Variants in U2AF2 observed in about 807,000 individuals in gnomAD.
U2AF2 encodes U2 small nuclear RNA auxiliary factor 2.
In U2AF2, 6 loss-of-function variants were observed where a neutral mutation model predicts 52.6. The observed-to-expected ratio is 0.11, with a 90% CI of 0.06 to 0.23. The LOEUF (loss-of-function observed/expected upper bound fraction) is 0.23. Among genes scored for constraint, U2AF2 ranks in the 10% least tolerant of loss-of-function variants. U2AF2 has a pLI of 1.00. For synonymous variants in U2AF2, 284 were observed against 258.2 expected (o/e 1.10, Z -0.96); for missense variants, 222 against 677.1 (o/e 0.33, Z 7.46).
intron 9 of U2AF2, 29 bp from the exon 10 acceptor site, chr19:55,669,054 C>A (rs775096316): frequency 1.9e-6 from 3 of 1,603,064 alleles, no homozygotes; most frequent in Non-Finnish European, 2.6e-6. Context: ...TCTCCCCGCA[C>A]CCCCCGACCC....
chr19:55,663,710 T>C lies in U2AF2; in HGVS notation c.708T>C (p.Pro236=), dbSNP rs1353532251. The C allele has an allele frequency of 6.2e-7, 1 of 1,614,068 alleles. No homozygotes were observed. Among genetic ancestry groups the C allele is most frequent in the African/African-American group, 1.3e-5 (1 of 74,940 alleles). Residue 236 remains proline, a synonymous_variant, in exon 7 of 12, where the codon CCT becomes CCC. Transcript: ENST00000308924. ...IRRPHDYQPL[P]GMSENPSVYV... ...GGCCTCACGACTACCAGCCGCTTCCTGGCATGTCAGAGAACCCCTCCGTCT... is the reference window on the plus strand; with the variant it reads ...GGCCTCACGACTACCAGCCGCTTCCCGGCATGTCAGAGAACCCCTCCGTCT...
At chr19:55,665,245 C>T (rs138104431) in intron 7 of U2AF2, among the ~76,000 whole-genome samples, 2 of 152,186 alleles carry the variant, frequency 1.3e-5, no homozygotes, top group East Asian at 1.9e-4. Flanking sequence ...GTGTGTCAGG[C>T]GCTGTCCTAA....
chr19:55,656,660 G>A (rs570954884), intron 1 of U2AF2, among the ~76,000 whole-genome samples: 19 of 152,328 alleles, frequency 1.2e-4, no homozygotes, highest in African/African-American at 4.6e-4. Flanking sequence ...CCTTTTAACA[G>A]CCTTGTGAGG....
At chr19:55,663,173 G>A (rs1022200056) in intron 6 of U2AF2, among the ~76,000 whole-genome samples, 3 of 150,658 alleles carry the variant, frequency 2.0e-5, no homozygotes, top group African/African-American at 7.3e-5. Flanking sequence ...CACTGTCTGA[G>A]CACTCCCTCT....
intron 5 of U2AF2, 23 bp from the exon 6 acceptor site, chr19:55,662,479 C>T (rs1568550918): frequency 2.1e-6 from 3 of 1,457,208 alleles, no homozygotes. Flanking sequence ...CGCCCCCCCC[C>T]TTGTCTCCTA....
chr19:55,660,168 A>AC lies in U2AF2; in HGVS notation c.186-3dup. The AC allele has an allele frequency of 5.7e-6, 4 of 705,538 alleles. No individual in the cohort carries two copies. Among genetic ancestry groups the AC allele is most frequent in the Non-Finnish European group, 7.9e-6 (4 of 507,776 alleles). 43.7% of individuals were successfully genotyped at this position (705,538 alleles called of 1,614,324 possible). ...ACCCCTCCCCATACCTTTCCCTCCC[A>AC]CCCCCCAGCAAACCTTTGACCAGAG... On this transcript the variant is annotated splice_polypyrimidine_tract_variant and intron_variant, in intron 2 of 11. Coordinates refer to ENST00000308924, the MANE Select transcript of U2AF2 (RefSeq NM_007279.3).
intron 5 of U2AF2, 26 bp from the exon 6 acceptor site, chr19:55,662,476 C>T (rs768461067): frequency 1.5e-6 from 2 of 1,366,552 alleles, no homozygotes; most frequent in Non-Finnish European, 2.0e-6. Flanking sequence ...CCCCGCCCCC[C>T]CCCTTGTCTC....
intron 1 of U2AF2, among the ~76,000 whole-genome samples, chr19:55,657,576 T>G (rs1010359403): frequency 6.6e-6 from 1 of 152,190 alleles, no homozygotes; most frequent in Non-Finnish European, 1.5e-5. Context: ...CTGTCCATCT[T>G]ATAAGCGAGG....
chr19:55,655,482 T>C (rs1474092404), intron 1 of U2AF2, among the ~76,000 whole-genome samples: 13 of 152,252 alleles, frequency 8.5e-5, no homozygotes, highest in Admixed American at 6.5e-4. Context: ...TTAAAATCTT[T>C]TTGGTTTCTC....
intron 1 of U2AF2, among the ~76,000 whole-genome samples, chr19:55,656,386 T>C (rs1346053806): frequency 1.3e-5 from 2 of 152,242 alleles, no homozygotes; most frequent in East Asian, 3.8e-4. Flanking sequence ...AGGGTCTGAC[T>C]CTGTCTTAGT....
intron 6 of U2AF2, among the ~76,000 whole-genome samples, chr19:55,663,288 C>T (rs1358846247): frequency 2.0e-5 from 3 of 152,244 alleles, no homozygotes; most frequent in Non-Finnish European, 2.9e-5. Context: ...GACTCCAGTA[C>T]TGTCATCTCC....
rs745479236 is a variant in U2AF2 at position 55,673,918 on chromosome 19, T to C, written c.1294-16T>C. The stretch of plus-strand genomic sequence containing the variant: ...CGTGAGCCTTGTTCACAAACCTGCC[T>C]CTCCTTTCCCCACAGATCTTTGTGG... On this transcript the variant is annotated splice_polypyrimidine_tract_variant and intron_variant, in intron 11 of 11. Transcript: ENST00000308924. The C allele has an allele frequency of 1.2e-6, 2 of 1,604,566 alleles. No individual in the cohort carries two copies. The highest frequency in any genetic ancestry group is 1.7e-6 in the Non-Finnish European group (2 of 1,174,294).
rs1984983977 is a variant in U2AF2 at position 55,672,499 on chromosome 19, C to T, written c.1294-1435C>T. ...TAGGATATTGAGATGTATCCCCAGC[C>T]TCCACCCACCGGATGCAAGAGCACT... is the stretch of plus-strand genomic sequence containing the variant. On this transcript the variant is annotated intron_variant, in intron 11 of 11. Coordinates refer to ENST00000308924, the MANE Select transcript of U2AF2 (RefSeq NM_007279.3). Among the ~76,000 whole-genome samples, 6 of 152,136 alleles carry T rather than the reference C, an allele frequency of 3.9e-5. No homozygotes were observed. The South Asian group carries it at 1.2e-3, about 31-fold the overall frequency.
chr19:55,663,481 TG>T, intron 6 of U2AF2, 124 bp from the exon 7 acceptor site: 1 of 1,432,754 alleles, frequency 7.0e-7, no homozygotes, highest in Non-Finnish European at 9.4e-7. Context: ...GTGCCCAGCC[TG>T]GGGCCTGGCA....
Position 55,659,301 on chromosome 19 carries a change from C to T in U2AF2, c.141C>T (p.Arg47=), listed in dbSNP as rs753335549. Reference sequence around the variant, plus strand: ...GCCGGAGCCGGAGCCGCGACCGGCGCAACCGGGACCAGCGGAGCGCCTCCC... The same window carrying T: ...GCCGGAGCCGGAGCCGCGACCGGCGTAACCGGGACCAGCGGAGCGCCTCCC... ...RKRRSRSRDR[R]NRDQRSASRD... is the part of the protein sequence containing the mutation. Residue 47 remains arginine, a synonymous_variant, in exon 2 of 12, where the codon CGC becomes CGT. Coordinates refer to ENST00000308924, the MANE Select transcript of U2AF2 (RefSeq NM_007279.3). 22 of 1,590,776 alleles carry T rather than the reference C, an allele frequency of 1.4e-5. No homozygotes were observed. The highest frequency in any genetic ancestry group is 1.7e-4 in the Middle Eastern group (1 of 5,908).
rs1468001443 is a variant in U2AF2 at position 55,669,672 on chromosome 19, G to A, written c.1273G>A (p.Glu425Lys). 6.2e-7 allele frequency: 1 copy of A among 1,609,058 alleles called. No individual in the cohort carries two copies. The highest frequency in any genetic ancestry group is 8.5e-7 in the Non-Finnish European group (1 of 1,177,736). ...IEIPRPVDGVEVPGCGKIFVE... is the reference protein window; with the variant it reads ...IEIPRPVDGVKVPGCGKIFVE... ...GATCCCCCGGCCTGTGGACGGCGTC[G>A]AGGTGCCCGGCTGCGGAAAGGTCAG... The change falls in exon 11 of 12, where the codon GAG (glutamate) becomes AAG (lysine). Residue 425 changes from glutamate (E) to lysine (K), a missense_variant. Around this residue, in one of 4 missense-constraint regions of U2AF2, gnomAD observed 71 missense variants for 180.6 expected, o/e 0.39. Transcript: ENST00000308924.
chr19:55,659,426 G>A, intron 2 of U2AF2, 81 bp downstream of exon 2: 1 of 1,385,416 alleles, frequency 7.2e-7, no homozygotes, highest in Non-Finnish European at 9.4e-7. Context: ...GCCTGTGTGT[G>A]TCTGTGTCTG....
intron 11 of U2AF2, among the ~76,000 whole-genome samples, 200 bp downstream of exon 11, chr19:55,669,892 A>T (rs1481262704): frequency 6.6e-6 from 1 of 151,718 alleles, no homozygotes; most frequent in African/African-American, 2.4e-5. Context: ...GCCATGGGAG[A>T]TGTTGGTGAC....
Position 55,674,105 on chromosome 19 carries a change from G to T in U2AF2, c.*37G>T. The T allele has an allele frequency of 6.4e-7, 1 of 1,562,036 alleles. No individual in the cohort carries two copies. Among genetic ancestry groups the T allele is most frequent in the Non-Finnish European group, 8.7e-7 (1 of 1,154,354 alleles). Reference sequence around the variant, plus strand: ...GGAGGGTGGGGGCAGGGCTGGCTGGGGGCTTCTCCCCACTCCCGCCCCCCC... The same window carrying T: ...GGAGGGTGGGGGCAGGGCTGGCTGGTGGCTTCTCCCCACTCCCGCCCCCCC... On this transcript the variant is annotated 3_prime_UTR_variant, in exon 12 of 12. Transcript: ENST00000308924.
Sources: allele counts gnomAD v4.1 joint callset (sites outside exome capture counted in the v4.1 genomes callset), GRCh38; gene constraint gnomAD v4.1.1; regional missense constraint gnomAD v4.1.1; transcripts MANE v1.5; gene names NCBI Gene and HGNC (gene_info 2026-07-23, HGNC 2026-07-21).